GABPB2: variants seen among roughly 807,000 people sequenced by gnomAD.
GABPB2 encodes GA binding protein transcription factor subunit beta 2, also known as GA-binding protein subunit beta-2.
Under a neutral mutation model 39.1 loss-of-function variants are expected in GABPB2, and 23 were observed. The ratio of observed to expected loss-of-function variants is 0.59; its 90% CI spans 0.42 to 0.83. The LOEUF (loss-of-function observed/expected upper bound fraction) is 0.83, where lower values mean the gene tolerates loss of function less well. Ranked by LOEUF, GABPB2 falls within the 40% of genes least tolerant of loss-of-function variation. GABPB2 has a pLI of 0.00. For synonymous variants in GABPB2, 184 were observed against 199.3 expected (o/e 0.92, Z 0.65); for missense variants, 467 against 541.1 (o/e 0.86, Z 1.36).
chr1:151,103,044 CTTTTTTT>C (rs376522230), intron 5 of GABPB2, among the ~76,000 whole-genome samples: 9 of 88,238 alleles, frequency 1.0e-4, no homozygotes, highest in East Asian at 3.5e-4. Flanking sequence ...ACAAAGTATA[CTTTTTTT>C]TTTTTTTTTT....
At chr1:151,088,449 G>A (rs1004079087) in intron 2 of GABPB2, 152 bp downstream of exon 2, 12 of 1,375,256 alleles carry the variant, frequency 8.7e-6, no homozygotes, top group Non-Finnish European at 1.2e-5. Flanking sequence ...ATCTGAATAT[G>A]TGGTTTTCTT....
intron 1 of GABPB2, among the ~76,000 whole-genome samples, chr1:151,076,519 T>G (rs1677178987): frequency 6.6e-6 from 1 of 152,054 alleles, no homozygotes; most frequent in Non-Finnish European, 1.5e-5. Flanking sequence ...AAGCTCTGCC[T>G]CCTGGGTTCA....
At chr1:151,102,429 T>C (rs1426850158) in intron 5 of GABPB2, among the ~76,000 whole-genome samples, 2 of 152,200 alleles carry the variant, frequency 1.3e-5, no homozygotes, top group South Asian at 2.1e-4. Flanking sequence ...ACATTCAATA[T>C]ATGAAACTTT....
intron 5 of GABPB2, among the ~76,000 whole-genome samples, chr1:151,101,290 T>C (rs1679504234): frequency 6.7e-6 from 1 of 148,562 alleles, no homozygotes; most frequent in South Asian, 2.1e-4. Context: ...AAATAAAATA[T>C]ATTGCTTAGT....
chr1:151,085,152 C>CT (rs1678071391), intron 1 of GABPB2, among the ~76,000 whole-genome samples: 1 of 151,338 alleles, frequency 6.6e-6, no homozygotes, highest in Non-Finnish European at 1.5e-5. Context: ...AATCCCAGCA[C>CT]TTTGGGAGGC....
chr1:151,072,108 A>G (rs764595959), intron 1 of GABPB2, among the ~76,000 whole-genome samples: 1 of 152,240 alleles, frequency 6.6e-6, no homozygotes, highest in African/African-American at 2.4e-5. Flanking sequence ...ATGTATTTTC[A>G]CACGTGCTTT....
At chr1:151,090,614 C>G in intron 3 of GABPB2, 41 bp downstream of exon 3, 1 of 1,585,186 alleles carries the variant, frequency 6.3e-7, no homozygotes, top group Non-Finnish European at 8.6e-7. Flanking sequence ...GTTAAAAAGG[C>G]ATCCACTTTC....
chr1:151,093,138 G>A, intron 3 of GABPB2, 54 bp from the exon 4 acceptor site: 1 of 1,346,676 alleles, frequency 7.4e-7, no homozygotes, highest in Admixed American at 2.5e-5. Context: ...ATGGGATGTT[G>A]CACCTGTGCT....
intron 6 of GABPB2, among the ~76,000 whole-genome samples, chr1:151,106,635 G>A (rs2101546649): frequency 6.6e-6 from 1 of 152,322 alleles, no homozygotes; most frequent in East Asian, 1.9e-4. Flanking sequence ...ACTGTGCCCA[G>A]CCGAAACAGA....
In GABPB2 at chr1:151,083,040, T is replaced by A. The variant is rs587650947; in HGVS notation, c.1-5150T>A. 3.3e-5 allele frequency among the ~76,000 whole-genome samples: 5 copies of A among 152,160 alleles called. No individual in the cohort carries two copies. In the South Asian group the frequency reaches 1.0e-3, roughly 32 times the overall value. ...GGAATTTGAAAACACATCAGTGAAT[T>A]TTTCTATTCTGTAACCTTAAAACCC... On this transcript the variant is annotated intron_variant, in intron 1 of 8. Transcript: ENST00000368918.
intron 7 of GABPB2, chr1:151,112,305 C>T (rs114222784): frequency 0.087 from 12,776 of 147,216 alleles, 703 homozygotes; most frequent in African/African-American, 0.15. Flanking sequence ...GCCATATTTC[C>T]GGATCAGACT....
In GABPB2 at chr1:151,123,056, T is replaced by C. The variant is rs1681237253; in HGVS notation, c.*4800T>C. 1 of 152,368 alleles carries C rather than the reference T, an allele frequency of 6.6e-6. No individual in the cohort carries two copies. Among genetic ancestry groups the C allele is most frequent in the South Asian group, 2.1e-4 (1 of 4,826 alleles). The allele number at this position is 152,368 out of a possible 1,614,324, so 9.4% of individuals were successfully genotyped here. ...GGCAATACCATTTCATGACTTTGCA[T>C]ATCTTTCTGGATTAGTCATGGAAGT... is the stretch of plus-strand genomic sequence containing the variant. On this transcript the variant is annotated 3_prime_UTR_variant, in exon 9 of 9. Transcript: ENST00000368918.
At chr1:151,106,999 A>G (rs1680019282) in intron 6 of GABPB2, 38 bp from the exon 7 acceptor site, 1 of 1,495,676 alleles carries the variant, frequency 6.7e-7, no homozygotes, top group Non-Finnish European at 9.0e-7. Context: ...TATGTTTTTA[A>G]AAAGCTGAAA....
chr1:151,083,786 G>A (rs150297207), intron 1 of GABPB2, among the ~76,000 whole-genome samples: 276 of 151,076 alleles, frequency 1.8e-3, no homozygotes, highest in African/African-American at 5.9e-3. Context: ...GTGTCACCCA[G>A]ATTGAAGTGC....
At chr1:151,073,891 G>A (rs1210776501) in intron 1 of GABPB2, among the ~76,000 whole-genome samples, 1 of 151,548 alleles carries the variant, frequency 6.6e-6, no homozygotes, top group Non-Finnish European at 1.5e-5. Context: ...CTGTACTCCA[G>A]CCTGGTGACA....
chr1:151,071,866 C>T (rs1052361453), intron 1 of GABPB2, among the ~76,000 whole-genome samples: 4 of 152,228 alleles, frequency 2.6e-5, no homozygotes, highest in African/African-American at 7.2e-5. Flanking sequence ...CATTGCAATT[C>T]TTTCCGTTGG....
chr1:151,072,772 AGCAGGCAGAGGTT>A (rs1366611358), intron 1 of GABPB2, among the ~76,000 whole-genome samples: 1 of 152,006 alleles, frequency 6.6e-6, no homozygotes, highest in Non-Finnish European at 1.5e-5. Context: ...GCTTGAACCC[AGCAGGCAGAGGTT>A]GCAGTGAGAC....
At position 151,082,488 on chromosome 1, in the gene GABPB2, G is replaced by A. The variant is rs1248566235; in HGVS notation, c.1-5702G>A. Reference sequence around the variant, plus strand: ...TCGATCTCGGCTCACTGCAGGCTCCGCCTCCTGGGTTCATGTGATTCTCTT... The same window carrying A: ...TCGATCTCGGCTCACTGCAGGCTCCACCTCCTGGGTTCATGTGATTCTCTT... On this transcript the variant is annotated intron_variant, in intron 1 of 8. Coordinates refer to ENST00000368918, the MANE Select transcript of GABPB2 (RefSeq NM_144618.3). Among the ~76,000 whole-genome samples the A allele has an allele frequency of 1.4e-4, 18 of 124,972 alleles. No homozygotes were observed. The Admixed American group carries it at 1.9e-3, about 13-fold the overall frequency. The allele number at this position is 124,972 out of a possible 152,430, so 82.0% of individuals were successfully genotyped here.
At chr1:151,092,600 T>TA (rs386368299) in intron 3 of GABPB2, among the ~76,000 whole-genome samples, 1 of 150,000 alleles carries the variant, frequency 6.7e-6, no homozygotes, top group Non-Finnish European at 1.5e-5. Flanking sequence ...TTTGTTTTTT[T>TA]TTTTTGGAGA....
Sources: gnomAD v4.1 joint callset for allele counts (sites outside exome capture counted in the v4.1 genomes callset) on GRCh38, gnomAD v4.1.1 for gene constraint, MANE v1.5 for transcripts, NCBI Gene and HGNC (gene_info 2026-07-23, HGNC 2026-07-21) for gene names.